TGFBR3: variants seen among roughly 807,000 people sequenced by gnomAD.
TGFBR3 encodes the protein transforming growth factor beta receptor type 3.
Under a neutral mutation model 87.9 loss-of-function variants are expected in TGFBR3, and 46 were observed. That is an observed-to-expected ratio of 0.52 (90% CI 0.41 to 0.67). The LOEUF is 0.67. Ranked by LOEUF, TGFBR3 falls within the 30% of genes least tolerant of loss-of-function variation. The pLI is 0.00. For missense variants in TGFBR3, 866 were observed against 1,041.9 expected (o/e 0.83, Z 2.32); for synonymous variants, 381 against 391.6 (o/e 0.97, Z 0.32).
At chr1:91,714,845 C>T (rs1243523946) in intron 12 of TGFBR3, among the ~76,000 whole-genome samples, 1 of 152,160 alleles carries the variant, frequency 6.6e-6, no homozygotes, top group Non-Finnish European at 1.5e-5. Flanking sequence ...GTATATTTTC[C>T]CCAATGGAGA....
At chr1:91,758,880 C>A in intron 3 of TGFBR3, 130 bp from the exon 4 acceptor site, 2 of 1,140,908 alleles carry the variant, frequency 1.8e-6, no homozygotes, top group Admixed American at 1.9e-5. Context: ...AGCTCAGATT[C>A]TATGAATAAG....
intron 14 of TGFBR3, among the ~76,000 whole-genome samples, chr1:91,705,230 T>TC (rs994965893): frequency 6.6e-6 from 1 of 150,778 alleles, no homozygotes; most frequent in African/African-American, 2.4e-5. Flanking sequence ...CTTTTCTTTT[T>TC]TTTTTTTTTT....
chr1:91,775,409 G>A (rs1674532021), intron 3 of TGFBR3, among the ~76,000 whole-genome samples: 2 of 152,312 alleles, frequency 1.3e-5, no homozygotes, highest in Non-Finnish European at 2.9e-5. Flanking sequence ...CTTCCAAGCT[G>A]AGGGCCTGGG....
At chr1:91,736,530 G>A (rs979847574) in intron 4 of TGFBR3, among the ~76,000 whole-genome samples, 1 of 151,866 alleles carries the variant, frequency 6.6e-6, no homozygotes, top group African/African-American at 2.4e-5. Flanking sequence ...CAAAACCAGA[G>A]GGGAACATGT....
intron 1 of TGFBR3, among the ~76,000 whole-genome samples, chr1:91,882,066 A>T (rs1679105277): frequency 6.6e-6 from 1 of 151,474 alleles, no homozygotes; most frequent in African/African-American, 2.4e-5. Context: ...TAAATAATAA[A>T]AAAATACTAC....
chr1:91,718,620 T>C (rs540281885), intron 10 of TGFBR3, among the ~76,000 whole-genome samples: 17 of 152,326 alleles, frequency 1.1e-4, no homozygotes, highest in South Asian at 4.1e-4. Flanking sequence ...CACTGCCTAG[T>C]CTCTGCACCC....
Position 91,720,022 on chromosome 1 carries a change from G to A in TGFBR3, c.1284C>T (p.Val428=). 6.2e-7 allele frequency: 1 copy of A among 1,614,208 alleles called. No homozygotes were observed. The highest frequency in any genetic ancestry group is 1.3e-5 in the African/African-American group (1 of 75,046). ...EDGLPRPKDP[V]IPSIQLFPGL... ...CAGGAAACAGTTGTATGCTGGGAAT[G>A]ACAGGGTCCTTTGGCCGAGGGAGCC... The change falls in exon 9 of 17, where the codon GTC becomes GTT. Residue 428 remains valine (V), a synonymous_variant. Transcript: ENST00000212355.
chr1:91,824,817 G>A (rs1294218186), intron 2 of TGFBR3, among the ~76,000 whole-genome samples: 4 of 152,050 alleles, frequency 2.6e-5, no homozygotes, highest in Non-Finnish European at 2.9e-5. Flanking sequence ...AATATTAGCC[G>A]AGCATGGTGG....
rs6677910 is a variant in TGFBR3 at position 91,789,143 on chromosome 1, C to T, written c.246+8144G>A. Among the ~76,000 whole-genome samples, 335 of 152,250 alleles carry T rather than the reference C, an allele frequency of 2.2e-3. 1 individual carries two copies. Among genetic ancestry groups the T allele is most frequent in the African/African-American group, 7.8e-3 (323 of 41,538 alleles). On this transcript the variant is annotated intron_variant, in intron 3 of 16. Coordinates refer to ENST00000212355, the MANE Select transcript of TGFBR3 (RefSeq NM_003243.5). ...AAACCCCGTCTCTACTAAAACTCTA[C>T]TAAAAATACAAAAATTAGCTGGGCA...
intron 3 of TGFBR3, among the ~76,000 whole-genome samples, chr1:91,784,436 C>G (rs1188434080): frequency 6.6e-6 from 1 of 152,218 alleles, no homozygotes; most frequent in East Asian, 1.9e-4. Flanking sequence ...TGCCCGAAAG[C>G]AGTCCACTCA....
intron 2 of TGFBR3, among the ~76,000 whole-genome samples, chr1:91,805,928 AC>A (rs1553168782): frequency 6.6e-6 from 1 of 152,160 alleles, no homozygotes; most frequent in Non-Finnish European, 1.5e-5. Flanking sequence ...CCAGCTCCAG[AC>A]TTTTCCCCTG....
chr1:91,781,341 C>T (rs1674759801), intron 3 of TGFBR3, among the ~76,000 whole-genome samples: 1 of 152,164 alleles, frequency 6.6e-6, no homozygotes, highest in Admixed American at 6.5e-5. Flanking sequence ...AAAGGAAAAG[C>T]TAGAGAACAA....
chr1:91,809,133 A>C (rs545194172), intron 2 of TGFBR3, among the ~76,000 whole-genome samples: 52 of 152,358 alleles, frequency 3.4e-4, no homozygotes, highest in African/African-American at 1.2e-3. Context: ...TGGCAAAGTA[A>C]GACTTGCAGA....
At chr1:91,773,180 A>C (rs1674442149) in intron 3 of TGFBR3, among the ~76,000 whole-genome samples, 1 of 152,150 alleles carries the variant, frequency 6.6e-6, no homozygotes, top group Admixed American at 6.5e-5. Context: ...AGAGTTTGAG[A>C]CCAGCCTGGC....
At chr1:91,683,898 A>T in intron 16 of TGFBR3, 41 bp from the exon 17 acceptor site, 1 of 1,504,490 alleles carries the variant, frequency 6.6e-7, no homozygotes, top group South Asian at 1.2e-5. Context: ...AGAAAGACGC[A>T]TATTATGTAT....
intron 1 of TGFBR3, among the ~76,000 whole-genome samples, chr1:91,862,767 G>A (rs1316233066): frequency 1.3e-5 from 2 of 152,134 alleles, no homozygotes; most frequent in African/African-American, 2.4e-5. Flanking sequence ...TAAAAGTTAT[G>A]GGTAAAAGTG....
At chr1:91,698,789 G>A (rs1031332616) in intron 14 of TGFBR3, among the ~76,000 whole-genome samples, 45 of 152,150 alleles carry the variant, frequency 3.0e-4, no homozygotes, top group South Asian at 8.3e-4. Flanking sequence ...CTATAGGCGC[G>A]AGCCACTGCG....
intron 1 of TGFBR3, among the ~76,000 whole-genome samples, chr1:91,870,344 GC>G (rs1448099906): frequency 6.6e-6 from 1 of 152,148 alleles, no homozygotes; most frequent in Non-Finnish European, 1.5e-5. Flanking sequence ...TCTAGTCAGA[GC>G]CAATTTGGAA....
intron 2 of TGFBR3, among the ~76,000 whole-genome samples, chr1:91,801,813 G>A (rs1231993440): frequency 1.3e-5 from 2 of 152,162 alleles, no homozygotes; most frequent in East Asian, 1.9e-4. Context: ...TGCTGAGAGA[G>A]CAAATTGGTA....
Sources: gnomAD v4.1 joint callset for allele counts (sites outside exome capture counted in the v4.1 genomes callset) on GRCh38, gnomAD v4.1.1 for gene constraint, MANE v1.5 for transcripts, NCBI Gene and HGNC (gene_info 2026-07-23, HGNC 2026-07-21) for gene names.